The following CPVL variants were observed in gnomAD, a reference collection of about 807,000 sequenced individuals.
CPVL encodes carboxypeptidase vitellogenic like, also known as probable serine carboxypeptidase CPVL.
CPVL carries 51 observed loss-of-function variants against 63.7 expected under a neutral mutation model. The ratio of observed to expected loss-of-function variants is 0.80; its 90% CI spans 0.64 to 1.01. The LOEUF (loss-of-function observed/expected upper bound fraction) is 1.01, where lower values mean the gene tolerates loss of function less well. CPVL is among the 50% of genes least tolerant of loss of function. The pLI, the probability that CPVL is intolerant of heterozygous loss-of-function variation, is 0.00. For synonymous variants in CPVL, 195 were observed against 206.0 expected (o/e 0.95, Z 0.46); for missense variants, 530 against 573.1 (o/e 0.92, Z 0.77).
intron 1 of CPVL, among the ~76,000 whole-genome samples, chr7:29,139,696 G>C (rs1791651051): frequency 6.6e-6 from 1 of 152,144 alleles, no homozygotes; most frequent in Non-Finnish European, 1.5e-5. Context: ...GTGTACACAA[G>C]AATGGTGGAA....
chr7:29,126,703 A>G (rs999588314), intron 1 of CPVL: 34 of 152,240 alleles, frequency 2.2e-4, no homozygotes, highest in Admixed American at 2.2e-3. Flanking sequence ...ACTCCAATCA[A>G]AGGATACATA....
intron 12 of CPVL, among the ~76,000 whole-genome samples, chr7:29,007,900 T>A (rs553085310): frequency 6.6e-6 from 1 of 152,342 alleles, no homozygotes; most frequent in Admixed American, 6.5e-5. Context: ...TGAATATTTT[T>A]AAAATAAATT....
At chr7:28,997,933 T>C (rs1387511041) in intron 12 of CPVL, among the ~76,000 whole-genome samples, 4 of 152,244 alleles carry the variant, frequency 2.6e-5, no homozygotes, top group African/African-American at 9.6e-5. Context: ...TGTGAAACTT[T>C]TGTGTTTTGC....
chr7:29,034,341 A>C (rs1180530006), intron 11 of CPVL, among the ~76,000 whole-genome samples: 1 of 152,164 alleles, frequency 6.6e-6, no homozygotes, highest in Non-Finnish European at 1.5e-5. Context: ...TCCTGGGCTC[A>C]AGCAATCTGC....
chr7:29,185,459 C>T (rs1039417087), intron 3 of CPVL: 2 of 152,176 alleles, frequency 1.3e-5, no homozygotes, highest in African/African-American at 4.8e-5. Flanking sequence ...CCCTCTCTTT[C>T]CTTCATGACC....
At chr7:29,068,179 T>G (rs483693) in intron 9 of CPVL, among the ~76,000 whole-genome samples, 17,070 of 150,996 alleles carry the variant, frequency 0.11, 1,150 homozygotes, top group East Asian at 0.28. Context: ...TAATTTTTTT[T>G]TGTGTGTGTG....
chr7:29,067,732 C>T (rs1783274800), intron 9 of CPVL, among the ~76,000 whole-genome samples: 1 of 152,126 alleles, frequency 6.6e-6, no homozygotes, highest in African/African-American at 2.4e-5. Flanking sequence ...TAAAAACAAT[C>T]TATCAAGTAC....
chr7:29,102,456 C>G (rs1033568522), intron 3 of CPVL, among the ~76,000 whole-genome samples: 3 of 151,994 alleles, frequency 2.0e-5, no homozygotes, highest in Non-Finnish European at 4.4e-5. Flanking sequence ...GAGCTGAGAT[C>G]TAAAATATGA....
intron 12 of CPVL, among the ~76,000 whole-genome samples, chr7:29,026,525 T>C (rs1223791678): frequency 1.3e-5 from 2 of 149,428 alleles, no homozygotes; most frequent in Non-Finnish European, 3.0e-5. Context: ...TAAAAAGAAA[T>C]ACAAAGGATC....
At chr7:29,118,354 G>T (rs1788994596) in intron 2 of CPVL, among the ~76,000 whole-genome samples, 1 of 152,198 alleles carries the variant, frequency 6.6e-6, no homozygotes, top group Admixed American at 6.5e-5. Flanking sequence ...TAAGCCATCA[G>T]AATCCACTTG....
chr7:29,003,799 C>G (rs1020900805), intron 12 of CPVL, among the ~76,000 whole-genome samples: 3 of 152,140 alleles, frequency 2.0e-5, no homozygotes, highest in Admixed American at 6.5e-5. Context: ...TTCAGATCAT[C>G]AGGCATTAGA....
At chr7:29,031,269 T>A (rs1163888471) in intron 11 of CPVL, among the ~76,000 whole-genome samples, 1 of 152,204 alleles carries the variant, frequency 6.6e-6, no homozygotes, top group East Asian at 1.9e-4. Flanking sequence ...GAGATTCAGG[T>A]GCCTCAAATT....
intron 10 of CPVL, among the ~76,000 whole-genome samples, chr7:29,065,619 C>T (rs1208778164): frequency 2.0e-5 from 3 of 152,170 alleles, no homozygotes; most frequent in African/African-American, 7.2e-5. Context: ...AAGGCTTTGG[C>T]AGTTTTGATT....
chr7:29,145,794 G>A (rs1792507253), intron 1 of CPVL: 3 of 152,184 alleles, frequency 2.0e-5, no homozygotes, highest in Admixed American at 1.3e-4. Flanking sequence ...GCCAAGGCCA[G>A]AACTGGGATT....
chr7:29,046,476 T>C (rs1789624371), intron 11 of CPVL, among the ~76,000 whole-genome samples: 1 of 152,140 alleles, frequency 6.6e-6, no homozygotes, highest in Non-Finnish European at 1.5e-5. Flanking sequence ...CATTTGCAGA[T>C]GGTTCCTCTT....
At chr7:29,072,556 C>T (rs1460471656) in intron 7 of CPVL, 133 bp from the exon 8 acceptor site, 8 of 958,124 alleles carry the variant, frequency 8.3e-6, no homozygotes, top group Non-Finnish European at 1.2e-5. Context: ...CTTAACCCCA[C>T]ATTATAGATT....
At chr7:29,001,476 C>T (rs1289446378) in intron 12 of CPVL, 3 of 152,072 alleles carry the variant, frequency 2.0e-5, no homozygotes, top group Admixed American at 1.3e-4. Context: ...GTAGAAATAA[C>T]GTAAATAGCA....
At chr7:29,120,838 A>AATT in intron 2 of CPVL, 55 bp downstream of exon 2, 1 of 1,396,614 alleles carries the variant, frequency 7.2e-7, no homozygotes, top group Non-Finnish European at 9.8e-7. Context: ...AAAAAAAAAA[A>AATT]GAGAAACTGT....
intron 11 of CPVL, among the ~76,000 whole-genome samples, chr7:29,043,378 A>G (rs1272484595): frequency 6.6e-6 from 1 of 152,152 alleles, no homozygotes; most frequent in Non-Finnish European, 1.5e-5. Flanking sequence ...TTACCTTGCA[A>G]TTAGGTTTTT....
Sources: gnomAD v4.1 joint callset for allele counts (sites outside exome capture counted in the v4.1 genomes callset) on GRCh38, gnomAD v4.1.1 for gene constraint, MANE v1.5 for transcripts, NCBI Gene and HGNC (gene_info 2026-07-23, HGNC 2026-07-21) for gene names.